The following COL4A2 variants were observed in gnomAD, a reference collection of about 807,000 sequenced individuals.
COL4A2 encodes the protein collagen type IV alpha 2 chain, also known as collagen alpha-2(IV) chain.
A neutral mutation model predicts 200.2 loss-of-function variants in COL4A2; 99 were observed. That is an observed-to-expected ratio of 0.49 (90% confidence interval 0.42 to 0.58). COL4A2 has a LOEUF of 0.58. Ranked by LOEUF, COL4A2 falls within the 20% of genes least tolerant of loss-of-function variation. The pLI, the probability that COL4A2 is intolerant of heterozygous loss-of-function variation, is 0.00. For synonymous variants in COL4A2, 897 were observed against 900.6 expected (o/e 1.00, Z 0.07); for missense variants, 1,950 against 2,314.1 (o/e 0.84, Z 3.23).
chr13:110,389,572 T>C (rs1378103620), intron 4 of COL4A2, among the ~76,000 whole-genome samples: 3 of 152,204 alleles, frequency 2.0e-5, no homozygotes, highest in African/African-American at 7.2e-5. Flanking sequence ...CCCCTCTGTC[T>C]TCCCTATGGT....
At chr13:110,358,130 C>T (rs1238436148) in intron 4 of COL4A2, among the ~76,000 whole-genome samples, 1 of 152,156 alleles carries the variant, frequency 6.6e-6, no homozygotes, top group Non-Finnish European at 1.5e-5. Flanking sequence ...TAGCTTAAAA[C>T]ACACATTGTA....
At chr13:110,488,082 A>G (rs1883167932) in intron 34 of COL4A2, among the ~76,000 whole-genome samples, 2 of 152,154 alleles carry the variant, frequency 1.3e-5, no homozygotes, top group South Asian at 4.2e-4. Flanking sequence ...GCTGGAGTGC[A>G]ATGGCATGAT....
At chr13:110,319,420 A>C (rs1885224985) in intron 3 of COL4A2, among the ~76,000 whole-genome samples, 1 of 152,212 alleles carries the variant, frequency 6.6e-6, no homozygotes, top group Non-Finnish European at 1.5e-5. Context: ...AAAGCAAGAA[A>C]ACTCAAGAGG....
Position 110,473,127 on chromosome 13 carries a change from A to G in COL4A2, c.2402A>G (p.Asp801Gly). 1 of 1,560,232 alleles carries G rather than the reference A, an allele frequency of 6.4e-7. No homozygotes were observed. Residue 801 changes from aspartate to glycine, a missense_variant, in exon 29 of 48, where the codon GAC (aspartate) becomes GGC (glycine). By Grantham distance (94) the Asp-to-Gly change is moderately conservative. Transcript: ENST00000360467. ...CCTGGGCTTAAAGGCCTTCCCGGAGACAGAGGCCCCCCTGGATTCAGAGGT... is the reference window on the plus strand; with the variant it reads ...CCTGGGCTTAAAGGCCTTCCCGGAGGCAGAGGCCCCCCTGGATTCAGAGGT... ...GQPGLKGLPGDRGPPGFRGSQ... is the reference protein window; with the variant it reads ...GQPGLKGLPGGRGPPGFRGSQ...
Position 110,478,838 on chromosome 13 carries a change from G to C in COL4A2, c.2587+674G>C, listed in dbSNP as rs138844731. On this transcript the variant is annotated intron_variant, in intron 30 of 47. Coordinates refer to ENST00000360467, the MANE Select transcript of COL4A2 (RefSeq NM_001846.4). The stretch of plus-strand genomic sequence containing the variant: ...TATGTCACCAAAGGACACCGTAACT[G>C]TAAAGTGGGAAAGACGCAGTTGCTT... Among the ~76,000 whole-genome samples, 848 of 152,378 alleles carry C rather than the reference G, an allele frequency of 5.6e-3. 3 individuals carry two copies. The highest frequency in any genetic ancestry group is 8.7e-3 in the Non-Finnish European group (592 of 68,038).
At chr13:110,335,534 T>C (rs894106110) in intron 3 of COL4A2, among the ~76,000 whole-genome samples, 2 of 152,214 alleles carry the variant, frequency 1.3e-5, no homozygotes, top group African/African-American at 4.8e-5. Context: ...CACATGGAAC[T>C]GTGAGTCCTT....
chr13:110,311,575 G>A (rs1378474081), intron 3 of COL4A2, among the ~76,000 whole-genome samples: 1 of 152,284 alleles, frequency 6.6e-6, no homozygotes, highest in Middle Eastern at 3.4e-3. Context: ...AGGTGTGTGG[G>A]TGCATGTGAA....
At chr13:110,334,429 C>T (rs1210274494) in intron 3 of COL4A2, among the ~76,000 whole-genome samples, 3 of 152,202 alleles carry the variant, frequency 2.0e-5, no homozygotes, top group Non-Finnish European at 2.9e-5. Context: ...ACAGAGCAGC[C>T]GTCTGCCTGG....
chr13:110,436,323 A>C lies in COL4A2; in HGVS notation c.781A>C (p.Ile261Leu), dbSNP rs1399513860. Residue 261 changes from isoleucine to leucine, a missense_variant, in exon 13 of 48, where the codon ATC (isoleucine) becomes CTC (leucine). Around this residue, in one of 2 missense-constraint regions of COL4A2, gnomAD observed 565 missense variants for 593.5 expected, o/e 0.95. Transcript: ENST00000360467. ...NGIPSDTLHP[I>L]IAPTGVTFHP... ...GATTCCATCAGACACCCTCCACCCCATCATCGCGCCCACAGGAGTCACCTT... is the reference window on the plus strand; with the variant it reads ...GATTCCATCAGACACCCTCCACCCCCTCATCGCGCCCACAGGAGTCACCTT... The C allele has an allele frequency of 6.2e-7, 1 of 1,614,038 alleles. No homozygotes were observed. The highest frequency in any genetic ancestry group is 1.1e-5 in the South Asian group (1 of 91,074).
At chr13:110,424,656 G>T in intron 4 of COL4A2, 78 bp from the exon 5 acceptor site, 7 of 899,986 alleles carry the variant, frequency 7.8e-6, no homozygotes, top group Non-Finnish European at 1.2e-5. Context: ...AAAAAATGTA[G>T]TTTTGAAAGT....
intron 3 of COL4A2, among the ~76,000 whole-genome samples, chr13:110,335,858 A>G (rs1876157292): frequency 6.6e-6 from 1 of 152,208 alleles, no homozygotes; most frequent in African/African-American, 2.4e-5. Flanking sequence ...CGTTTTTGAA[A>G]CAAGGGTGGG....
intron 20 of COL4A2, among the ~76,000 whole-genome samples, chr13:110,452,626 C>T (rs1297461795): frequency 6.6e-6 from 1 of 152,154 alleles, no homozygotes; most frequent in Non-Finnish European, 1.5e-5. Context: ...ACTTAATATG[C>T]TTTCTACTTT....
chr13:110,371,769 G>A (rs941859939), intron 4 of COL4A2, among the ~76,000 whole-genome samples: 7 of 151,948 alleles, frequency 4.6e-5, no homozygotes, highest in Non-Finnish European at 8.8e-5. Context: ...CTGGGATATG[G>A]GAAAGCCTGG....
chr13:110,424,052 T>C (rs1195020017), intron 4 of COL4A2, among the ~76,000 whole-genome samples: 1 of 152,134 alleles, frequency 6.6e-6, no homozygotes, highest in Non-Finnish European at 1.5e-5. Flanking sequence ...TGCCCAGAAG[T>C]GGAATCGTGG....
intron 4 of COL4A2, among the ~76,000 whole-genome samples, chr13:110,378,423 G>T (rs1474841561): frequency 1.3e-5 from 2 of 152,172 alleles, no homozygotes; most frequent in African/African-American, 2.4e-5. Flanking sequence ...GGAAACTGAG[G>T]CCCTCCATGG....
rs9559774 is a variant in COL4A2, at chr13:110,346,671, C to T, written c.100-10801C>T. Among the ~76,000 whole-genome samples, 29 of 152,310 alleles carry T rather than the reference C, an allele frequency of 1.9e-4. 1 individual carries two copies. The East Asian group carries it at 5.6e-3, about 29-fold the overall frequency. ...GTCACCTGTGCTGCCCAGCTCAACC[C>T]GGCCCCTTTGGTCGCTGTCCTGCCT... On this transcript the variant is annotated intron_variant, in intron 3 of 47. Transcript: ENST00000360467.
intron 3 of COL4A2, among the ~76,000 whole-genome samples, chr13:110,326,651 A>C (rs376177259): frequency 1.3e-5 from 2 of 152,152 alleles, no homozygotes; most frequent in South Asian, 4.1e-4. Context: ...GGTCACACAG[A>C]GGGGACACGC....
At chr13:110,404,258 T>G (rs1279265588) in intron 4 of COL4A2, among the ~76,000 whole-genome samples, 1 of 152,234 alleles carries the variant, frequency 6.6e-6, no homozygotes, top group Non-Finnish European at 1.5e-5. Context: ...AAGGTAAACT[T>G]TCTGGGTCAA....
intron 7 of COL4A2, 38 bp from the exon 8 acceptor site, chr13:110,429,847 T>G: frequency 2.5e-6 from 4 of 1,596,114 alleles, no homozygotes; most frequent in Non-Finnish European, 3.4e-6. Context: ...TGGACTCTTT[T>G]TGTTGTTTTT....
Sources: gnomAD v4.1 joint callset for allele counts (sites outside exome capture counted in the v4.1 genomes callset) on GRCh38, gnomAD v4.1.1 for gene constraint, gnomAD v4.1.1 regional missense constraint, MANE v1.5 for transcripts, NCBI Gene and HGNC (gene_info 2026-07-23, HGNC 2026-07-21) for gene names.